Variants in RREB1 observed in about 807,000 individuals in gnomAD.
The protein encoded by RREB1 is ras-responsive element-binding protein 1.
RREB1 carries 27 observed loss-of-function variants against 117.8 expected under a neutral mutation model. That is an observed-to-expected ratio of 0.23 (90% CI 0.17 to 0.32). The LOEUF (loss-of-function observed/expected upper bound fraction) is 0.32, where lower values mean the gene tolerates loss of function less well. Ranked by LOEUF, RREB1 falls within the 10% of genes least tolerant of loss-of-function variation. RREB1 has a pLI of 1.00. For synonymous variants in RREB1, 1,298 were observed against 1,026.7 expected, an observed-to-expected ratio of 1.26 and a Z score of -5.05; for missense variants, 2,577 against 2,378.2, an observed-to-expected ratio of 1.08 and a Z score of -1.74.
rs113486665 is a variant in RREB1 at position 7,188,785 on chromosome 6, C to T, written c.262-374C>T. On this transcript the variant is annotated intron_variant, in intron 5 of 12. Coordinates refer to ENST00000379938, the MANE Select transcript of RREB1 (RefSeq NM_001003699.4). ...TGAGTCATCAAATCTGAAGAAGGGA[C>T]GTTGACTCCTTTAATGGAAGGACAT... 1.4e-3 allele frequency among the ~76,000 whole-genome samples: 218 copies of T among 152,222 alleles called. 1 individual carries two copies. The highest frequency in any genetic ancestry group is 4.9e-3 in the African/African-American group (203 of 41,542).
Position 7,247,205 on chromosome 6 carries a change from C to T in RREB1, c.4755C>T (p.His1585=), listed in dbSNP as rs1007067134. The T allele has an allele frequency of 5.0e-6, 8 of 1,613,136 alleles. 1 individual carries two copies. The South Asian group carries it at 5.5e-5, about 11-fold the overall frequency. ...GGTCGCTGCAGGACCTGACCCGGCA[C>T]ATGCGCTCCCACACAGGTAACCAGG... ...RFWSLQDLTR[H]MRSHTGERPY... The change falls in exon 12 of 13, where the codon CAC becomes CAT. Residue 1585 remains histidine, a synonymous_variant. Transcript: ENST00000379938.
At position 7,181,852 on chromosome 6, in the gene RREB1, G is replaced by A; in HGVS notation, c.-42-18G>A. The A allele has an allele frequency of 6.4e-7, 1 of 1,568,768 alleles. No homozygotes were observed. Among genetic ancestry groups the A allele is most frequent in the Non-Finnish European group, 8.8e-7 (1 of 1,139,244 alleles). ...CCTAAACTTCCCCATGATCACATCA[G>A]CAATTTCCAATTTTCAGTTTTATAG... is the stretch of plus-strand genomic sequence containing the variant. On this transcript the variant is annotated intron_variant, in intron 3 of 12. Coordinates refer to ENST00000379938, the MANE Select transcript of RREB1 (RefSeq NM_001003699.4).
intron 1 of RREB1, among the ~76,000 whole-genome samples, chr6:7,134,398 T>G (rs1022722407): frequency 1.3e-5 from 2 of 152,224 alleles, no homozygotes; most frequent in Admixed American, 1.3e-4. Flanking sequence ...TTAGGAATGA[T>G]GTGATGTGTC....
intron 1 of RREB1, among the ~76,000 whole-genome samples, chr6:7,172,989 C>T (rs572127654): frequency 6.6e-6 from 1 of 152,162 alleles, no homozygotes; most frequent in Non-Finnish European, 1.5e-5. Flanking sequence ...TGGCTCAGAC[C>T]ATTTTAGTGT....
chr6:7,160,091 A>G (rs572296625), intron 1 of RREB1, among the ~76,000 whole-genome samples: 7 of 151,756 alleles, frequency 4.6e-5, no homozygotes, highest in Non-Finnish European at 1.0e-4. Context: ...GGTGCAATTA[A>G]GGACTGAAAT....
intron 1 of RREB1, chr6:7,140,701 G>T (rs1186862834): frequency 6.6e-6 from 1 of 152,272 alleles, no homozygotes; most frequent in East Asian, 1.9e-4. Flanking sequence ...GCGGGTTCGG[G>T]ATCTGCCCCA....
intron 1 of RREB1, among the ~76,000 whole-genome samples, chr6:7,164,122 T>G (rs563022280): frequency 1.3e-5 from 2 of 152,272 alleles, no homozygotes; most frequent in African/African-American, 4.8e-5. Context: ...GTCTGACTCA[T>G]CTATTATCTA....
In RREB1 at chr6:7,231,070, A is replaced by T; in HGVS notation, c.2971A>T (p.Ser991Cys). The T allele has an allele frequency of 6.2e-7, 1 of 1,613,352 alleles. No individual in the cohort carries two copies. The highest frequency in any genetic ancestry group is 8.5e-7 in the Non-Finnish European group (1 of 1,179,908). ...TTTGGGGCCCAGCGGAATCCTGGAA[A>T]GCCCCATGGCCCCTGCTCCGGCGGC... is the stretch of plus-strand genomic sequence containing the variant. ...VTLGPSGILE[S>C]PMAPAPAATP... Residue 991 changes from serine (S) to cysteine (C), a missense_variant, in exon 10 of 13, where the codon AGC becomes TGC. Transcript: ENST00000379938.
chr6:7,163,719 G>T (rs1763783243), intron 1 of RREB1, among the ~76,000 whole-genome samples: 1 of 152,200 alleles, frequency 6.6e-6, no homozygotes, highest in South Asian at 2.1e-4. Flanking sequence ...TGTGGGGCTG[G>T]CAGAGCATGA....
intron 1 of RREB1, among the ~76,000 whole-genome samples, chr6:7,133,096 TG>T (rs1264099985): frequency 6.6e-6 from 1 of 152,222 alleles, no homozygotes; most frequent in African/African-American, 2.4e-5. Flanking sequence ...GCATTTTCCC[TG>T]TTTACAATCG....
chr6:7,220,856 G>T (rs1767208041), intron 8 of RREB1, among the ~76,000 whole-genome samples: 1 of 152,200 alleles, frequency 6.6e-6, no homozygotes, highest in Non-Finnish European at 1.5e-5. Context: ...GGACCACCTG[G>T]CCAGTGGCTG....
At chr6:7,121,116 G>A (rs1020129313) in intron 1 of RREB1, among the ~76,000 whole-genome samples, 2 of 152,048 alleles carry the variant, frequency 1.3e-5, no homozygotes, top group African/African-American at 2.4e-5. Flanking sequence ...GAGCCACTGC[G>A]CCTGGCCAGT....
intron 1 of RREB1, among the ~76,000 whole-genome samples, chr6:7,132,372 T>G (rs1762190735): frequency 6.6e-6 from 1 of 150,424 alleles, no homozygotes; most frequent in African/African-American, 2.4e-5. Flanking sequence ...GGTTTTACTG[T>G]GTTGCCCAGT....
intron 1 of RREB1, among the ~76,000 whole-genome samples, chr6:7,159,825 T>G (rs1428650043): frequency 6.6e-6 from 1 of 152,218 alleles, no homozygotes; most frequent in African/African-American, 2.4e-5. Context: ...CATAGATTCT[T>G]TTGAAAGGCT....
rs1201489299 is a variant in RREB1 at position 7,244,339 on chromosome 6, A to G, written c.3974-2085A>G. 3.3e-5 allele frequency among the ~76,000 whole-genome samples: 5 copies of G among 151,888 alleles called. No homozygotes were observed. The East Asian group carries it at 9.7e-4, about 29-fold the overall frequency. ...TATAACCTCAGCACTTTGGGAGGCC[A>G]AGGCAGGAGGACCCCTTGAGCCCAG... is the stretch of plus-strand genomic sequence containing the variant. On this transcript the variant is annotated intron_variant, in intron 11 of 12. Transcript: ENST00000379938.
At chr6:7,119,856 T>TTTGAAAACC (rs1298591602) in intron 1 of RREB1, among the ~76,000 whole-genome samples, 1 of 152,146 alleles carries the variant, frequency 6.6e-6, no homozygotes, top group Non-Finnish European at 1.5e-5. Flanking sequence ...TTTTTGAAAC[T>TTTGAAAACC]TTGAAAACCG....
At position 7,229,955 on chromosome 6, in the gene RREB1, C is replaced by G; in HGVS notation, c.1856C>G (p.Thr619Arg). 2 of 1,602,474 alleles carry G rather than the reference C, an allele frequency of 1.2e-6. No individual in the cohort carries two copies. Among genetic ancestry groups the G allele is most frequent in the Non-Finnish European group, 1.7e-6 (2 of 1,171,864 alleles). ...GAGGCCAAGATCAAGCAGGAGATCA[C>G]AGAGGGGGAACTCAAGGCCTTCATG... ...SMEAKIKQEI[T>R]EGELKAFMTA... is the part of the protein sequence containing the mutation. Residue 619 changes from threonine (T) to arginine (R), a missense_variant, in exon 10 of 13, where the codon ACA becomes AGA. Physicochemically the swap from Thr to Arg is moderately conservative, Grantham distance 71. Transcript: ENST00000379938. This position sits in a 1 kb window ranked among gnomAD's most constrained non-coding sequence, Gnocchi z 4.5.
chr6:7,232,031 C>T (rs924783264), intron 10 of RREB1, 124 bp downstream of exon 10: 34 of 1,014,760 alleles, frequency 3.4e-5, no homozygotes, highest in African/African-American at 2.6e-4. Context: ...GCTTCTTCCC[C>T]GGTCTCCGAA....
At chr6:7,235,621 TAC>T (rs1406875898) in intron 10 of RREB1, among the ~76,000 whole-genome samples, 1 of 152,208 alleles carries the variant, frequency 6.6e-6, no homozygotes, top group Admixed American at 6.5e-5. Flanking sequence ...TGTTTTTGAG[TAC>T]AGTGTTAAAA....
Sources: gnomAD v4.1 joint callset for allele counts (sites outside exome capture counted in the v4.1 genomes callset) on GRCh38, gnomAD v4.1.1 for gene constraint, Gnocchi (gnomAD v3.1) non-coding constraint, MANE v1.5 for transcripts, NCBI Gene and HGNC (gene_info 2026-07-23, HGNC 2026-07-21) for gene names.